Variants in KLF18 observed in about 807,000 individuals in gnomAD.
KLF18 encodes the protein Kruppel-like factor 18.
At position 44,141,481 on chromosome 1, in the gene KLF18, C is replaced by A; in HGVS notation, c.151G>T (p.Glu51Ter). ...GGCATCGTCTTGCTCTGGGTTGACT[C>A]ATGTTGGCTCTCCTCAGCATGGGCA... ...LTAHAEESQHESTQSKTMPPL... is the reference protein window; with the variant it reads ...LTAHAEESQH The change falls in exon 1 of 2, where the codon GAG (glutamate) becomes TAG (stop). Residue 51 changes from glutamate (E) to a stop codon, truncating the protein, a stop_gained. Transcript: ENST00000634670. LOFTEE classifies it high-confidence loss of function. 1 of 398,654 alleles carries A rather than the reference C, an allele frequency of 2.5e-6. No homozygotes were observed. Among genetic ancestry groups the A allele is most frequent in the Non-Finnish European group, 4.4e-6 (1 of 226,142 alleles). The allele number at this position is 398,654 out of a possible 1,614,324, so 24.7% of individuals were successfully genotyped here. A position where few individuals can be genotyped will look rare whatever the true frequency, so the allele number is the denominator to read the frequency against.
chr1:44,138,193 CAA>C (rs1443388296), intron 1 of KLF18, among the ~76,000 whole-genome samples, 182 bp from the exon 2 acceptor site: 5 of 149,684 alleles, frequency 3.3e-5, no homozygotes, highest in Admixed American at 3.3e-4. Context: ...GCTGGAGAGA[CAA>C]GAGGAAAACT....
Position 44,139,031 on chromosome 1 carries a change from C to CT in KLF18, c.2600dup (p.Asn868GlufsTer6), listed in dbSNP as rs1250238061. ...CCTGGTTATCAGTGGAGGTCATATT[C>CT]TGCCCCCCGTAGAGGTTCTGGTTAC... On this transcript the variant is annotated frameshift_variant, in exon 1 of 2. Transcript: ENST00000634670. LOFTEE classifies it high-confidence loss of function. 5 of 398,166 alleles carry CT rather than the reference C, an allele frequency of 1.3e-5. No homozygotes were observed. The highest frequency in any genetic ancestry group is 4.1e-5 in the African/African-American group (2 of 48,542). 24.7% of individuals were successfully genotyped at this position (398,166 alleles called of 1,614,324 possible).
rs113379447 is a variant in KLF18 at position 44,139,967 on chromosome 1, G to C, written c.1665C>G (p.Leu555=). The C allele has an allele frequency of 2.6e-6, 1 of 385,640 alleles. No individual in the cohort carries two copies. Among genetic ancestry groups the C allele is most frequent in the Non-Finnish European group, 4.6e-6 (1 of 219,392 alleles). The allele number at this position is 385,640 out of a possible 1,614,324, so 23.9% of individuals were successfully genotyped here. The change falls in exon 1 of 2, where the codon CTC becomes CTG. Residue 555 remains leucine, a synonymous_variant. Transcript: ENST00000634670. ...TGGAGGTCGTCACCTGCTCCCCACA[G>C]AGGGTCTGGTTACTAGTGGGGGTCG... is the stretch of plus-strand genomic sequence containing the variant. ...QMTTPTSNQT[L]CGEQVTTSTG... is the part of the protein sequence containing the mutation.
intron 1 of KLF18, among the ~76,000 whole-genome samples, chr1:44,138,442 T>A (rs1349676720): frequency 6.6e-6 from 1 of 152,084 alleles, no homozygotes; most frequent in Admixed American, 6.5e-5. Flanking sequence ...CACTAAAGGC[T>A]ATAGCCAGCC....
rs552402059 is a variant in KLF18, at chr1:44,139,747, G to T, written c.1885C>A (p.Gln629Lys). 2.6e-4 allele frequency: 104 copies of T among 394,500 alleles called. 1 individual carries two copies. Among genetic ancestry groups the T allele is most frequent in the Admixed American group, 1.2e-3 (28 of 22,474 alleles). 24.4% of individuals were successfully genotyped at this position (394,500 alleles called of 1,614,324 possible). A position where few individuals can be genotyped will look rare whatever the true frequency, so the allele number is the denominator to read the frequency against. The change falls in exon 1 of 2, where the codon CAG becomes AAG. Residue 629 changes from glutamine (Q) to lysine (K), a missense_variant. Transcript: ENST00000634670. ...STGNQALYGGQMTTSASNQTL... is the reference protein window; with the variant it reads ...STGNQALYGGKMTTSASNQTL... The stretch of plus-strand genomic sequence containing the variant: ...TGGTTACTAGCAGAGGTTGTCATCT[G>T]CCCCCCGTAGAGGGCCTGGTTACCA...
At position 44,139,641 on chromosome 1, in the gene KLF18, T is replaced by C. The variant is rs1643214140; in HGVS notation, c.1991A>G (p.Asn664Ser). The stretch of plus-strand genomic sequence containing the variant: ...CATCTGCTCTCCACAGAGGGCCTGG[T>C]TACCAGTGGAGGTCATCACCTGCTC... Reference protein sequence around the residue: ...CEEQVMTSTGNQALCGEQMTT... With the variant: ...CEEQVMTSTGSQALCGEQMTT... The change falls in exon 1 of 2, where the codon AAC becomes AGC. Residue 664 changes from asparagine (N) to serine (S), a missense_variant. Transcript: ENST00000634670. 2.5e-6 allele frequency: 1 copy of C among 397,456 alleles called. No individual in the cohort carries two copies. The highest frequency in any genetic ancestry group is 4.4e-5 in the Admixed American group (1 of 22,610). 24.6% of individuals were successfully genotyped at this position (397,456 alleles called of 1,614,324 possible).
Position 44,141,491 on chromosome 1 carries a change from C to A in KLF18, c.141G>T (p.Glu47Asp), listed in dbSNP as rs1643239476. 3 of 398,532 alleles carry A rather than the reference C, an allele frequency of 7.5e-6. No individual in the cohort carries two copies. Among genetic ancestry groups the A allele is most frequent in the Non-Finnish European group, 1.3e-5 (3 of 226,150 alleles). 24.7% of individuals were successfully genotyped at this position (398,532 alleles called of 1,614,324 possible). A position where few individuals can be genotyped will look rare whatever the true frequency, so the allele number is the denominator to read the frequency against. The change falls in exon 1 of 2, where the codon GAG becomes GAT. Residue 47 changes from glutamate to aspartate, a missense_variant. Coordinates refer to ENST00000634670, the MANE Select transcript of KLF18 (RefSeq NM_001358438.1). ...NCMPLTAHAE[E>D]SQHESTQSKT... is the part of the protein sequence containing the mutation. ...TGCTCTGGGTTGACTCATGTTGGCT[C>A]TCCTCAGCATGGGCAGTCAGAGGCA...
chr1:44,140,764 A>G lies in KLF18; in HGVS notation c.868T>C (p.Cys290Arg), dbSNP rs1643231906. The change falls in exon 1 of 2, where the codon TGT becomes CGT. Residue 290 changes from cysteine to arginine, a missense_variant. By Grantham distance (180) the Cys-to-Arg change is radical. Coordinates refer to ENST00000634670, the MANE Select transcript of KLF18 (RefSeq NM_001358438.1). ...GTGGAGGTTGTCATCTGCTCTCCAC[A>G]GAGGGTCTGGTTACTAGCGGAGGTC... ...MTTSASNQTL[C>R]GEQMTTSTSN... The G allele has an allele frequency of 2.5e-6, 1 of 398,224 alleles. No homozygotes were observed. Among genetic ancestry groups the G allele is most frequent in the Admixed American group, 4.4e-5 (1 of 22,682 alleles). 24.7% of individuals were successfully genotyped at this position (398,224 alleles called of 1,614,324 possible).
chr1:44,138,060 G>T (rs1285225219), intron 1 of KLF18, 49 bp from the exon 2 acceptor site: 1 of 398,564 alleles, frequency 2.5e-6, no homozygotes, highest in South Asian at 1.3e-4. Context: ...GGGTGAGGTA[G>T]GGCAGGGACA....
Position 44,138,903 on chromosome 1 carries a change from T to C in KLF18, c.2729A>G (p.Asp910Gly). The change falls in exon 1 of 2, where the codon GAC becomes GGC. Residue 910 changes from aspartate to glycine, a missense_variant. Physicochemically the swap from Asp to Gly is moderately conservative, Grantham distance 94. Transcript: ENST00000634670. The stretch of plus-strand genomic sequence containing the variant: ...CATATATCCCCCATAAAGGCTGTGG[T>C]CATCAGTGAGCGTTGTCATATTGCC... ...QVGNMTTLTDDHSLYGGYMMS... is the reference protein window; with the variant it reads ...QVGNMTTLTDGHSLYGGYMMS... The C allele has an allele frequency of 2.5e-6, 1 of 398,650 alleles. No individual in the cohort carries two copies. Among genetic ancestry groups the C allele is most frequent in the Non-Finnish European group, 4.4e-6 (1 of 226,084 alleles). The allele number at this position is 398,650 out of a possible 1,614,324, so 24.7% of individuals were successfully genotyped here. A position where few individuals can be genotyped will look rare whatever the true frequency, so the allele number is the denominator to read the frequency against.
At position 44,138,673 on chromosome 1, in the gene KLF18, T is replaced by G. The variant is rs1306564613; in HGVS notation, c.2959A>C (p.Lys987Gln). Residue 987 changes from lysine (K) to glutamine (Q), a missense_variant, in exon 1 of 2, where the codon AAG becomes CAG. Coordinates refer to ENST00000634670, the MANE Select transcript of KLF18 (RefSeq NM_001358438.1). Reference protein sequence around the residue: ...KACHLRTHMRKHTGEKPYVCD... With the variant: ...KACHLRTHMRQHTGEKPYVCD... ...CTGGGCCCTCACTCACCGGTGTGCT[T>G]GCGCATGTGGGTTCGGAGGTGGCAA... 2.5e-6 allele frequency: 1 copy of G among 398,450 alleles called. No individual in the cohort carries two copies. The highest frequency in any genetic ancestry group is 4.4e-5 in the Admixed American group (1 of 22,712). 24.7% of individuals were successfully genotyped at this position (398,450 alleles called of 1,614,324 possible). A position where few individuals can be genotyped will look rare whatever the true frequency, so the allele number is the denominator to read the frequency against.
rs544108785 is a variant in KLF18, at chr1:44,141,595, C to T, written c.37G>A (p.Glu13Lys). The change falls in exon 1 of 2, where the codon GAG becomes AAG. Residue 13 changes from glutamate to lysine, a missense_variant. By Grantham distance (56) the Glu-to-Lys change is moderately conservative. Transcript: ENST00000634670. ...SSLLQAIEEI[E>K]KFFQHLSERH... ...TCAGAGAGATGCTGGAAAAATTTCT[C>T]AATTTCCTCAATTGCCTGGAGAAGA... is the stretch of plus-strand genomic sequence containing the variant. 5.3e-5 allele frequency: 21 copies of T among 398,616 alleles called. No individual in the cohort carries two copies. In the East Asian group the frequency reaches 6.8e-4, roughly 13 times the overall value. 24.7% of individuals were successfully genotyped at this position (398,616 alleles called of 1,614,324 possible).
rs1350943980 is a variant in KLF18, at chr1:44,140,675, T to C, written c.957A>G (p.Gly319=). 2.6e-6 allele frequency: 1 copy of C among 388,828 alleles called. No homozygotes were observed. Among genetic ancestry groups the C allele is most frequent in the African/African-American group, 2.2e-5 (1 of 45,244 alleles). 24.1% of individuals were successfully genotyped at this position (388,828 alleles called of 1,614,324 possible). ...MTSTGNQALC[G]GQMTTSTGNQ... is the part of the protein sequence containing the mutation. Reference sequence around the variant, plus strand: ...TACCAGTGGAGGTCGTCATCTGCCCTCCACAGAGGGCTTGGTTACCAGTGG... The same window carrying C: ...TACCAGTGGAGGTCGTCATCTGCCCCCCACAGAGGGCTTGGTTACCAGTGG... Residue 319 remains glycine (G), a synonymous_variant, in exon 1 of 2, where the codon GGA becomes GGG. Transcript: ENST00000634670.
chr1:44,137,973 A>C lies in KLF18; in HGVS notation c.3007T>G (p.Trp1003Gly). The C allele has an allele frequency of 2.5e-6, 1 of 398,734 alleles. No individual in the cohort carries two copies. Among genetic ancestry groups the C allele is most frequent in the Non-Finnish European group, 4.4e-6 (1 of 226,166 alleles). 24.7% of individuals were successfully genotyped at this position (398,734 alleles called of 1,614,324 possible). Residue 1003 changes from tryptophan (W) to glycine (G), a missense_variant, in exon 2 of 2, where the codon TGG becomes GGG. Coordinates refer to ENST00000634670, the MANE Select transcript of KLF18 (RefSeq NM_001358438.1). ...PYVCDVEGCT[W>G]KFARSDELNR... ...AGCTCATCTGAGCGGGCAAATTTCC[A>C]CGTACATCCCTCTACATCGCATACA...
chr1:44,139,772 A>T lies in KLF18; in HGVS notation c.1860T>A (p.Thr620=), dbSNP rs1643215895. The change falls in exon 1 of 2, where the codon ACT becomes ACA. Residue 620 remains threonine (T), a synonymous_variant. Coordinates refer to ENST00000634670, the MANE Select transcript of KLF18 (RefSeq NM_001358438.1). ...ALYGGQMMTS[T]GNQALYGGQM... ...GCCCCCCGTAGAGGGCCTGGTTACCAGTGGAGGTCATCATCTGCCCCCCAT... is the reference window on the plus strand; with the variant it reads ...GCCCCCCGTAGAGGGCCTGGTTACCTGTGGAGGTCATCATCTGCCCCCCAT... 2.6e-6 allele frequency: 1 copy of T among 391,798 alleles called. No individual in the cohort carries two copies. Among genetic ancestry groups the T allele is most frequent in the African/African-American group, 2.1e-5 (1 of 47,490 alleles). The allele number at this position is 391,798 out of a possible 1,614,324, so 24.3% of individuals were successfully genotyped here. A position where few individuals can be genotyped will look rare whatever the true frequency, so the allele number is the denominator to read the frequency against.
rs543514013 is a variant in KLF18, at chr1:44,138,955, C to G, written c.2677G>C (p.Gly893Arg). Residue 893 changes from glycine to arginine, a missense_variant, in exon 1 of 2, where the codon GGG (glycine) becomes CGG (arginine). Physicochemically the swap from Gly to Arg is moderately radical, Grantham distance 125. Transcript: ENST00000634670. Reference sequence around the variant, plus strand: ...ACCTGAAGAGTCAGCATCTGGTCCCCATAGAGGGTCTGGTTGCCACTATAT... The same window carrying G: ...ACCTGAAGAGTCAGCATCTGGTCCCGATAGAGGGTCTGGTTGCCACTATAT... The part of the protein sequence containing the change: ...ATYSGNQTLY[G>R]DQMLTLQVGN... 1.3e-5 allele frequency: 5 copies of G among 398,766 alleles called. No individual in the cohort carries two copies. In the Admixed American group the frequency reaches 1.8e-4, roughly 14 times the overall value. The allele number at this position is 398,766 out of a possible 1,614,324, so 24.7% of individuals were successfully genotyped here.
chr1:44,138,994 C>T lies in KLF18; in HGVS notation c.2638G>A (p.Gly880Ser). The T allele has an allele frequency of 2.5e-6, 1 of 398,690 alleles. No homozygotes were observed. Among genetic ancestry groups the T allele is most frequent in the Non-Finnish European group, 4.4e-6 (1 of 226,148 alleles). 24.7% of individuals were successfully genotyped at this position (398,690 alleles called of 1,614,324 possible). A position where few individuals can be genotyped will look rare whatever the true frequency, so the allele number is the denominator to read the frequency against. Residue 880 changes from glycine to serine, a missense_variant, in exon 1 of 2, where the codon GGC becomes AGC. Gly to Ser is a moderately conservative substitution (Grantham distance 56). Transcript: ENST00000634670. ...TSTDNQALYGGQMATYSGNQT... is the reference protein window; with the variant it reads ...TSTDNQALYGSQMATYSGNQT... Reference sequence around the variant, plus strand: ...TTGCCACTATATGTTGCCATCTGGCCTCCATAGAGGGCCTGGTTATCAGTG... The same window carrying T: ...TTGCCACTATATGTTGCCATCTGGCTTCCATAGAGGGCCTGGTTATCAGTG...
rs1024943828 is a variant in KLF18, at chr1:44,138,650, G to A, written c.2968+14C>T. On this transcript the variant is annotated intron_variant, in intron 1 of 1. Transcript: ENST00000634670. The stretch of plus-strand genomic sequence containing the variant: ...CCACTTGCCCCTCACCCCTGTTTCT[G>A]GGCCCTCACTCACCGGTGTGCTTGC... 2 of 398,488 alleles carry A rather than the reference G, an allele frequency of 5.0e-6. No homozygotes were observed. Among genetic ancestry groups the A allele is most frequent in the East Asian group, 7.1e-5 (2 of 28,084 alleles). The allele number at this position is 398,488 out of a possible 1,614,324, so 24.7% of individuals were successfully genotyped here. A position where few individuals can be genotyped will look rare whatever the true frequency, so the allele number is the denominator to read the frequency against.
intron 1 of KLF18, among the ~76,000 whole-genome samples, chr1:44,138,329 C>T (rs1643185981): frequency 6.6e-6 from 1 of 152,144 alleles, no homozygotes; most frequent in Admixed American, 6.5e-5. Context: ...GGGGCCCTGT[C>T]ACTACGAAGT....
Sources: gnomAD v4.1 joint callset for allele counts (sites outside exome capture counted in the v4.1 genomes callset) on GRCh38, gnomAD v4.1.1 for gene constraint, MANE v1.5 for transcripts, NCBI Gene and HGNC (gene_info 2026-07-23, HGNC 2026-07-21) for gene names.